RXFP2: variants seen among roughly 807,000 people sequenced by gnomAD.
RXFP2 encodes relaxin family peptide receptor 2.
RXFP2 carries 68 observed loss-of-function variants against 88.6 expected under a neutral mutation model. That is an observed-to-expected ratio of 0.77 (90% CI 0.63 to 0.94). RXFP2 has a LOEUF of 0.94. Among genes scored for constraint, RXFP2 ranks in the 40% least tolerant of loss-of-function variants. RXFP2 has a pLI of 0.00. For missense variants in RXFP2, 791 were observed against 893.9 expected (o/e 0.88, Z 1.47); for synonymous variants, 329 against 306.8 (o/e 1.07, Z -0.76).
Position 31,789,165 on chromosome 13 carries a change from T to C in RXFP2, c.1117T>C (p.Phe373Leu), listed in dbSNP as rs372351583. The C allele has an allele frequency of 5.0e-6, 8 of 1,608,508 alleles. No homozygotes were observed. The highest frequency in any genetic ancestry group is 6.8e-6 in the Non-Finnish European group (8 of 1,175,964). ...IEIPNINTRM[F>L]QPMKNLSHIY... ...GATTCCAAATATAAACACACGAATGTTTCAACCCATGAAGAATCTTTCTCA... is the reference window on the plus strand; with the variant it reads ...GATTCCAAATATAAACACACGAATGCTTCAACCCATGAAGAATCTTTCTCA... Residue 373 changes from phenylalanine (F) to leucine (L), a missense_variant, in exon 14 of 18, where the codon TTT (phenylalanine) becomes CTT (leucine). Phe to Leu is a conservative substitution (Grantham distance 22). Coordinates refer to ENST00000298386, the MANE Select transcript of RXFP2 (RefSeq NM_130806.5).
intron 13 of RXFP2, among the ~76,000 whole-genome samples, chr13:31,788,312 G>C (rs1384728073): frequency 6.6e-6 from 1 of 151,978 alleles, no homozygotes. Context: ...ATCTTTATTC[G>C]GATTAGTCAA....
At chr13:31,795,776 G>A (rs1874004386) in intron 16 of RXFP2, among the ~76,000 whole-genome samples, 1 of 152,086 alleles carries the variant, frequency 6.6e-6, no homozygotes, top group East Asian at 1.9e-4. Flanking sequence ...TGTGAGAAAT[G>A]AGATGATCAC....
At chr13:31,793,718 C>T (rs1467769660) in intron 16 of RXFP2, among the ~76,000 whole-genome samples, 1 of 151,932 alleles carries the variant, frequency 6.6e-6, no homozygotes, top group Non-Finnish European at 1.5e-5. Flanking sequence ...AATATGTATC[C>T]CTCCTGCTTA....
intron 9 of RXFP2, among the ~76,000 whole-genome samples, chr13:31,781,250 G>A (rs1005370241): frequency 1.3e-5 from 2 of 152,208 alleles, no homozygotes; most frequent in Admixed American, 1.3e-4. Flanking sequence ...CTTACTAGCT[G>A]TGTGGTCAGA....
Position 31,793,059 on chromosome 13 carries a change from G to C in RXFP2, c.1757G>C (p.Ser586Thr). 6.2e-7 allele frequency: 1 copy of C among 1,612,930 alleles called. No individual in the cohort carries two copies. Among genetic ancestry groups the C allele is most frequent in the Non-Finnish European group, 8.5e-7 (1 of 1,179,008 alleles). ...LYYDQTEDIG[S>T]KGYSLGIFLG... The stretch of plus-strand genomic sequence containing the variant: ...TATGACCAAACAGAAGATATTGGAA[G>C]CAAAGGGTATTCTCTTGGAATTTTC... The change falls in exon 16 of 18, where the codon AGC becomes ACC. Residue 586 changes from serine (S) to threonine (T), a missense_variant. Ser to Thr is a moderately conservative substitution (Grantham distance 58, BLOSUM62 1). Coordinates refer to ENST00000298386, the MANE Select transcript of RXFP2 (RefSeq NM_130806.5).
At chr13:31,771,049 A>C (rs1872718958) in intron 5 of RXFP2, among the ~76,000 whole-genome samples, 1 of 152,220 alleles carries the variant, frequency 6.6e-6, no homozygotes, top group Non-Finnish European at 1.5e-5. Flanking sequence ...GCATCCCCAC[A>C]GGAGATGATG....
intron 1 of RXFP2, among the ~76,000 whole-genome samples, chr13:31,756,786 A>C (rs1871973434): frequency 6.6e-6 from 1 of 151,752 alleles, no homozygotes; most frequent in African/African-American, 2.4e-5. Flanking sequence ...ATGCCTGACT[A>C]ATTTTTGTAT....
At chr13:31,765,489 T>G (rs1183235958) in intron 4 of RXFP2, among the ~76,000 whole-genome samples, 1 of 152,036 alleles carries the variant, frequency 6.6e-6, no homozygotes, top group East Asian at 1.9e-4. Flanking sequence ...TTTTTTAACG[T>G]TGGTAATCTA....
At chr13:31,765,488 G>A (rs17076633) in intron 4 of RXFP2, among the ~76,000 whole-genome samples, 5,428 of 151,166 alleles carry the variant, frequency 0.036, 203 homozygotes, top group East Asian at 0.19. Flanking sequence ...TTTTTTTAAC[G>A]TTGGTAATCT....
At chr13:31,755,420 C>T (rs1181912126) in intron 1 of RXFP2, among the ~76,000 whole-genome samples, 1 of 151,586 alleles carries the variant, frequency 6.6e-6, no homozygotes, top group Non-Finnish European at 1.5e-5. Flanking sequence ...TGGGTGTGTG[C>T]TAGTGTGTGT....
At chr13:31,742,789 A>C (rs977533427) in intron 1 of RXFP2, among the ~76,000 whole-genome samples, 9 of 152,226 alleles carry the variant, frequency 5.9e-5, no homozygotes, top group African/African-American at 2.2e-4. Context: ...TAAACCAAAT[A>C]AAATTCAATT....
chr13:31,745,742 T>C (rs1289799926), intron 1 of RXFP2, among the ~76,000 whole-genome samples: 2 of 152,210 alleles, frequency 1.3e-5, no homozygotes, highest in African/African-American at 4.8e-5. Context: ...TTTCTGTGTC[T>C]GTGGAAGAGT....
chr13:31,772,399 C>T (rs544528545), intron 5 of RXFP2, among the ~76,000 whole-genome samples: 1 of 152,230 alleles, frequency 6.6e-6, no homozygotes, highest in Non-Finnish European at 1.5e-5. Flanking sequence ...TACATAAATT[C>T]CTGGCATTTC....
intron 14 of RXFP2, among the ~76,000 whole-genome samples, chr13:31,790,776 G>A (rs1204838320): frequency 2.0e-5 from 3 of 152,176 alleles, no homozygotes; most frequent in African/African-American, 7.2e-5. Flanking sequence ...TTGGAGTGAA[G>A]TGACATTTGA....
At chr13:31,757,532 T>C (rs1036472418) in intron 1 of RXFP2, among the ~76,000 whole-genome samples, 1 of 152,238 alleles carries the variant, frequency 6.6e-6, no homozygotes, top group African/African-American at 2.4e-5. Flanking sequence ...TAACTCATAC[T>C]TAAACTCTCC....
rs749324998 is a variant in RXFP2 at position 31,802,298 on chromosome 13, A to T, written c.2158A>T (p.Lys720Ter). Reference sequence around the variant, plus strand: ...GAAATCAATTTTCAAAATTAAAAAAAAAAGTTTATCTACATCCATTGTGTG... The same window carrying T: ...GAAATCAATTTTCAAAATTAAAAAATAAAGTTTATCTACATCCATTGTGTG... ...QRKSIFKIKK[K>*]SLSTSIVWIE... The change falls in exon 18 of 18, where the codon AAA (lysine) becomes TAA (stop). Residue 720 changes from lysine (K) to a stop codon, truncating the protein, a stop_gained. Transcript: ENST00000298386. LOFTEE classifies it high-confidence loss of function. 3 of 1,613,822 alleles carry T rather than the reference A, an allele frequency of 1.9e-6. No individual in the cohort carries two copies. The highest frequency in any genetic ancestry group is 2.2e-5 in the East Asian group (1 of 44,880).
At chr13:31,794,333 G>A (rs1000013759) in intron 16 of RXFP2, among the ~76,000 whole-genome samples, 23 of 149,672 alleles carry the variant, frequency 1.5e-4, no homozygotes, top group African/African-American at 5.7e-4. Context: ...TCCTAACATA[G>A]GTGCACTTAA....
At chr13:31,750,691 T>C (rs1301644855) in intron 1 of RXFP2, among the ~76,000 whole-genome samples, 2 of 152,186 alleles carry the variant, frequency 1.3e-5, no homozygotes, top group East Asian at 3.9e-4. Context: ...ATGTGTCAAA[T>C]GCAGAAAACC....
chr13:31,797,110 C>T (rs1874086353), intron 16 of RXFP2, 91 bp from the exon 17 acceptor site: 2 of 905,918 alleles, frequency 2.2e-6, no homozygotes, highest in South Asian at 1.3e-5. Context: ...TGGTTTCAAA[C>T]ATTTTGGGTA....
Sources: allele counts gnomAD v4.1 joint callset (sites outside exome capture counted in the v4.1 genomes callset), GRCh38; gene constraint gnomAD v4.1.1; transcripts MANE v1.5; gene names NCBI Gene and HGNC (gene_info 2026-07-23, HGNC 2026-07-21).